The following PAX3 variants were observed in gnomAD, a reference collection of about 807,000 sequenced individuals.
The protein encoded by PAX3 is paired box protein Pax-3.
A neutral mutation model predicts 51.6 loss-of-function variants in PAX3; 14 were observed. The observed-to-expected ratio is 0.27, with a 90% CI of 0.18 to 0.42. PAX3 has a LOEUF of 0.42. Among genes scored for constraint, PAX3 ranks in the 10% least tolerant of loss-of-function variants. The pLI is 1.00. For missense variants in PAX3, 540 were observed against 642.8 expected (o/e 0.84, Z 1.73); for synonymous variants, 280 against 253.4 (o/e 1.11, Z -1.00).
In PAX3 at chr2:222,236,458, A is replaced by T. The variant is rs138380337; in HGVS notation, c.587-4175T>A. 2.5e-3 allele frequency among the ~76,000 whole-genome samples: 374 copies of T among 152,226 alleles called. 4 individuals carry two copies. Among genetic ancestry groups the T allele is most frequent in the Admixed American group, 0.018 (276 of 15,272 alleles). ...CATTTTAAGAGCACATAGGAGGGCC[A>T]TTTTTTTGGATTTCATCTATTTTAC... is the stretch of plus-strand genomic sequence containing the variant. On this transcript the variant is annotated intron_variant, in intron 4 of 8. Coordinates refer to ENST00000392070, the MANE Select transcript of PAX3 (RefSeq NM_181458.4).
In PAX3 at chr2:222,298,563, T is replaced by C; in HGVS notation, c.53A>G (p.Gln18Arg). ...CGGGAACCCGCTACGCGGGTAGTTC[T>C]GCCCCGGGCCCGGCCGCATCATCCT... ...VPRMMRPGPG[Q>R]NYPRSGFPLE... The change falls in exon 1 of 9, where the codon CAG becomes CGG. Residue 18 changes from glutamine (Q) to arginine (R), a missense_variant. Gln to Arg is a conservative substitution (Grantham distance 43). Transcript: ENST00000392070. The C allele has an allele frequency of 6.2e-7, 1 of 1,607,946 alleles. No homozygotes were observed. Among genetic ancestry groups the C allele is most frequent in the Non-Finnish European group, 8.5e-7 (1 of 1,177,664 alleles).
chr2:222,230,989 C>A (rs562353858), intron 5 of PAX3, among the ~76,000 whole-genome samples: 2 of 152,046 alleles, frequency 1.3e-5, no homozygotes, highest in African/African-American at 4.8e-5. Context: ...TCTTAGATTG[C>A]AACTCCTTCA....
intron 4 of PAX3, among the ~76,000 whole-genome samples, chr2:222,248,369 C>T (rs899016666): frequency 2.6e-5 from 4 of 152,192 alleles, no homozygotes; most frequent in Non-Finnish European, 5.9e-5. Context: ...CCTTGAATAC[C>T]TTTCTGCACA....
intron 4 of PAX3, chr2:222,293,827 C>T: frequency 1.9e-6 from 3 of 1,613,646 alleles, no homozygotes; most frequent in Non-Finnish European, 2.5e-6. Flanking sequence ...TACAATTGCT[C>T]AGAGATGCCC....
chr2:222,216,751 C>A (rs1458338788), intron 7 of PAX3, among the ~76,000 whole-genome samples: 2 of 151,976 alleles, frequency 1.3e-5, no homozygotes, highest in African/African-American at 4.8e-5. Context: ...GATGCTTTGG[C>A]TATCCTTATA....
intron 4 of PAX3, among the ~76,000 whole-genome samples, chr2:222,245,699 G>C (rs1299611168): frequency 1.3e-5 from 2 of 151,976 alleles, no homozygotes; most frequent in South Asian, 2.1e-4. Flanking sequence ...GCCAGGCACT[G>C]TGGCTCACAC....
intron 7 of PAX3, among the ~76,000 whole-genome samples, chr2:222,205,789 A>C (rs1044736300): frequency 3.3e-5 from 5 of 152,128 alleles, no homozygotes; most frequent in African/African-American, 1.2e-4. Context: ...TTAAAACCTC[A>C]AATCTCTGTA....
In PAX3 at chr2:222,220,272, G is replaced by C. The variant is rs748365394; in HGVS notation, c.1041C>G (p.Asn347Lys). ...GGCAGTAGGCAGAGCTGCTGTCTGG[G>C]TTGGAAGGAATCGTGCTTTGGTGTA... is the stretch of plus-strand genomic sequence containing the variant. ...STVHQSTIPSNPDSSSAYCLP... is the reference protein window; with the variant it reads ...STVHQSTIPSKPDSSSAYCLP... Residue 347 changes from asparagine (N) to lysine (K), a missense_variant, in exon 7 of 9, where the codon AAC becomes AAG. Transcript: ENST00000392070. 1.2e-6 allele frequency: 2 copies of C among 1,614,114 alleles called. No individual in the cohort carries two copies. Among genetic ancestry groups the C allele is most frequent in the South Asian group, 1.1e-5 (1 of 91,084 alleles).
chr2:222,218,935 CT>C (rs1692077709), intron 7 of PAX3, among the ~76,000 whole-genome samples: 1 of 152,148 alleles, frequency 6.6e-6, no homozygotes, highest in African/African-American at 2.4e-5. Flanking sequence ...GCTATCCATT[CT>C]TTTCAACTCC....
intron 4 of PAX3, among the ~76,000 whole-genome samples, chr2:222,274,024 T>C (rs1465511802): frequency 1.3e-5 from 2 of 152,226 alleles, no homozygotes; most frequent in Admixed American, 1.3e-4. Context: ...TTAATCCTAA[T>C]GTGAGAAATT....
chr2:222,231,377 C>T (rs539570361), intron 5 of PAX3, among the ~76,000 whole-genome samples: 23 of 152,302 alleles, frequency 1.5e-4, no homozygotes, highest in African/African-American at 5.1e-4. Flanking sequence ...ATGATGAAAA[C>T]ATTATTCTAT....
intron 5 of PAX3, among the ~76,000 whole-genome samples, chr2:222,225,213 A>T (rs1692340798): frequency 6.6e-6 from 1 of 152,162 alleles, no homozygotes; most frequent in Non-Finnish European, 1.5e-5. Context: ...TCATTTGATA[A>T]ACTGCAGCCC....
intron 4 of PAX3, chr2:222,232,907 A>C (rs1306977557): frequency 6.5e-6 from 1 of 153,918 alleles, no homozygotes; most frequent in African/African-American, 2.4e-5. Flanking sequence ...TCATCACCAG[A>C]TATGGGGAAA....
At chr2:222,238,237 A>G (rs1692874066) in intron 4 of PAX3, among the ~76,000 whole-genome samples, 1 of 152,224 alleles carries the variant, frequency 6.6e-6, no homozygotes, top group Non-Finnish European at 1.5e-5. Flanking sequence ...ATGAAGTTTA[A>G]TTAAAGAAGG....
At chr2:222,290,988 C>A (rs1216082088) in intron 4 of PAX3, among the ~76,000 whole-genome samples, 1 of 150,942 alleles carries the variant, frequency 6.6e-6, no homozygotes, top group Admixed American at 6.6e-5. Flanking sequence ...GTGAGAAGGA[C>A]ATAAAGGAGG....
chr2:222,260,788 G>C (rs950048295), intron 4 of PAX3, among the ~76,000 whole-genome samples: 1 of 151,548 alleles, frequency 6.6e-6, no homozygotes, highest in Admixed American at 6.6e-5. Flanking sequence ...ACGGGGTTTC[G>C]CCATGTTGGA....
At position 222,218,379 on chromosome 2, in the gene PAX3, G is replaced by A. The variant is rs143280181; in HGVS notation, c.1173+1761C>T. On this transcript the variant is annotated intron_variant, in intron 7 of 8. Transcript: ENST00000392070. ...AATACATTTATACAAGAAAGTACCA[G>A]TTTCACTTATAGAATACAGGTTCTT... 3.5e-3 allele frequency among the ~76,000 whole-genome samples: 538 copies of A among 152,212 alleles called. 3 individuals are homozygous for A. Among genetic ancestry groups the A allele is most frequent in the African/African-American group, 0.012 (504 of 41,532 alleles).
intron 4 of PAX3, among the ~76,000 whole-genome samples, chr2:222,282,903 C>G (rs1694695405): frequency 6.6e-6 from 1 of 152,192 alleles, no homozygotes. Flanking sequence ...ATTTTGAAAC[C>G]TATGTTCCTA....
chr2:222,236,652 A>G (rs543036006), intron 4 of PAX3, among the ~76,000 whole-genome samples: 2 of 152,340 alleles, frequency 1.3e-5, no homozygotes, highest in African/African-American at 4.8e-5. Context: ...TTTGGAAACC[A>G]CAAATGTGTT....
Sources: gnomAD v4.1 joint callset for allele counts (sites outside exome capture counted in the v4.1 genomes callset) on GRCh38, gnomAD v4.1.1 for gene constraint, MANE v1.5 for transcripts, NCBI Gene and HGNC (gene_info 2026-07-23, HGNC 2026-07-21) for gene names.